The following NEBL variants were observed in gnomAD, a reference collection of about 807,000 sequenced individuals.
The protein encoded by NEBL is LIM and SH3 protein 2.
NEBL carries 122 observed loss-of-function variants against 140.2 expected under a neutral mutation model. The ratio of observed to expected loss-of-function variants is 0.87; its 90% CI spans 0.75 to 1.01. The LOEUF (loss-of-function observed/expected upper bound fraction) is 1.01. Among genes scored for constraint, NEBL ranks in the 50% least tolerant of loss-of-function variants. NEBL has a pLI of 0.00. For missense variants in NEBL, 1,365 were observed against 1,231.3 expected (o/e 1.11, Z -1.62); for synonymous variants, 436 against 398.9 (o/e 1.09, Z -1.11).
At chr10:21,220,929 G>A (rs960318203) in intron 3 of NEBL, among the ~76,000 whole-genome samples, 2 of 152,346 alleles carry the variant, frequency 1.3e-5, no homozygotes, top group South Asian at 2.1e-4. Flanking sequence ...GCCGAGGCAG[G>A]AGGATTACTT....
intron 2 of NEBL, among the ~76,000 whole-genome samples, chr10:21,090,842 A>G (rs2131963645): frequency 6.6e-6 from 1 of 152,252 alleles, no homozygotes; most frequent in African/African-American, 2.4e-5. Context: ...AGATCCATTT[A>G]TCTACTGAGC....
intron 2 of NEBL, among the ~76,000 whole-genome samples, chr10:21,045,314 A>C (rs1834459569): frequency 6.6e-6 from 1 of 152,252 alleles, no homozygotes; most frequent in Non-Finnish European, 1.5e-5. Context: ...TTTAATTTAC[A>C]CATTTAAAGA....
intron 2 of NEBL, among the ~76,000 whole-genome samples, chr10:20,890,434 T>C (rs1309866830): frequency 2.6e-5 from 4 of 152,200 alleles, no homozygotes; most frequent in African/African-American, 9.7e-5. Context: ...ATTACCGTTA[T>C]TACCTAGACA....
At chr10:20,832,912 T>C (rs1254330555) in intron 14 of NEBL, among the ~76,000 whole-genome samples, 1 of 152,236 alleles carries the variant, frequency 6.6e-6, no homozygotes, top group Non-Finnish European at 1.5e-5. Context: ...ATTATTACTA[T>C]GTCTACAAAA....
chr10:21,271,674 C>T (rs996661521), intron 1 of NEBL, among the ~76,000 whole-genome samples: 3 of 151,878 alleles, frequency 2.0e-5, no homozygotes, highest in South Asian at 2.1e-4. Flanking sequence ...AATGGGCACC[C>T]GCCACCACGC....
chr10:20,789,012 A>T (rs1365821820), intron 26 of NEBL, among the ~76,000 whole-genome samples: 2 of 152,216 alleles, frequency 1.3e-5, no homozygotes, highest in African/African-American at 2.4e-5. Flanking sequence ...AATAATTATT[A>T]CTGTCCACTA....
intron 9 of NEBL, among the ~76,000 whole-genome samples, chr10:20,853,606 A>G (rs183943206): frequency 4.7e-4 from 72 of 152,274 alleles, no homozygotes; most frequent in African/African-American, 1.6e-3. Context: ...GAGCTAAAAT[A>G]GTGAGACCCC....
At chr10:20,953,752 G>T (rs1222967108) in intron 4 of NEBL, among the ~76,000 whole-genome samples, 2 of 151,978 alleles carry the variant, frequency 1.3e-5, no homozygotes, top group Non-Finnish European at 2.9e-5. Context: ...TCATAAAATT[G>T]AAAGCAACTT....
chr10:21,158,261 T>C (rs574089777), intron 2 of NEBL, among the ~76,000 whole-genome samples: 1 of 152,352 alleles, frequency 6.6e-6, no homozygotes, highest in Admixed American at 6.5e-5. Flanking sequence ...TTCCCCTTTC[T>C]AAAACTTGGG....
chr10:20,891,040 C>G (rs986699876), intron 2 of NEBL, among the ~76,000 whole-genome samples: 1 of 152,112 alleles, frequency 6.6e-6, no homozygotes, highest in African/African-American at 2.4e-5. Context: ...GTATATACTA[C>G]CTGGTTCTTA....
chr10:20,805,718 T>G (rs150110895), intron 26 of NEBL, among the ~76,000 whole-genome samples: 1 of 152,078 alleles, frequency 6.6e-6, no homozygotes, highest in Non-Finnish European at 1.5e-5. Flanking sequence ...CCAAGTGTGG[T>G]GGCGTGCACC....
intron 2 of NEBL, among the ~76,000 whole-genome samples, chr10:21,165,358 C>T (rs1029059093): frequency 1.3e-5 from 2 of 152,184 alleles, no homozygotes; most frequent in South Asian, 2.1e-4. Flanking sequence ...CAGCAGGATA[C>T]TTTATTATCC....
At chr10:21,154,173 C>T (rs1840247756) in intron 2 of NEBL, among the ~76,000 whole-genome samples, 1 of 151,806 alleles carries the variant, frequency 6.6e-6, no homozygotes, top group Admixed American at 6.6e-5. Context: ...AAAAGTGAGC[C>T]ACTGGCTGGG....
At chr10:21,165,959 A>C (rs111507734) in intron 2 of NEBL, among the ~76,000 whole-genome samples, 181 of 152,246 alleles carry the variant, frequency 1.2e-3, no homozygotes, top group African/African-American at 4.3e-3. Flanking sequence ...CACCACTTCC[A>C]ATAAAAAATA....
At chr10:20,853,816 A>G (rs938216031) in intron 9 of NEBL, among the ~76,000 whole-genome samples, 1 of 152,160 alleles carries the variant, frequency 6.6e-6, no homozygotes, top group African/African-American at 2.4e-5. Context: ...AAGATCTAGT[A>G]TTCAATGCCA....
chr10:21,280,891 A>T (rs1317829151), intron 1 of NEBL, among the ~76,000 whole-genome samples: 2 of 152,164 alleles, frequency 1.3e-5, no homozygotes. Flanking sequence ...CTGTGATTAC[A>T]GGCGTGAGCC....
chr10:21,208,792 C>CACTTA (rs1318009895), intron 3 of NEBL, among the ~76,000 whole-genome samples: 1 of 151,856 alleles, frequency 6.6e-6, no homozygotes, highest in Non-Finnish European at 1.5e-5. Context: ...CCTACAACCC[C>CACTTA]ACTTAACTGC....
intron 4 of NEBL, among the ~76,000 whole-genome samples, chr10:20,911,548 T>C (rs1934041261): frequency 6.6e-6 from 1 of 152,258 alleles, no homozygotes; most frequent in Admixed American, 6.5e-5. Flanking sequence ...TATTTTTAAC[T>C]GTTATAAAAC....
intron 11 of NEBL, among the ~76,000 whole-genome samples, chr10:20,847,848 T>C (rs1464484297): frequency 6.6e-6 from 1 of 152,196 alleles, no homozygotes; most frequent in Non-Finnish European, 1.5e-5. Context: ...GTCTGTTCCA[T>C]TAGAATTAGA....
Sources: allele counts gnomAD v4.1 joint callset (sites outside exome capture counted in the v4.1 genomes callset), GRCh38; gene constraint gnomAD v4.1.1; transcripts MANE v1.5; gene names NCBI Gene and HGNC (gene_info 2026-07-23, HGNC 2026-07-21).